ABCB5: variants seen among roughly 807,000 people sequenced by gnomAD.
The protein encoded by ABCB5 is ATP binding cassette subfamily B member 5, also known as ATP-binding cassette sub-family B member 5.
Under a neutral mutation model 144.2 loss-of-function variants are expected in ABCB5, and 155 were observed. That is an observed-to-expected ratio of 1.08 (90% CI 0.94 to 1.23). The LOEUF (loss-of-function observed/expected upper bound fraction) is 1.23. Among genes scored for constraint, ABCB5 ranks in the 50% most tolerant of loss-of-function variants. The pLI, the probability that ABCB5 is intolerant of heterozygous loss-of-function variation, is 0.00. For missense variants in ABCB5, 1,830 were observed against 1,520.8 expected (o/e 1.20, Z -3.38); for synonymous variants, 610 against 528.6 (o/e 1.15, Z -2.11).
At chr7:20,633,493 A>C (rs1784083677) in intron 5 of ABCB5, among the ~76,000 whole-genome samples, 1 of 152,176 alleles carries the variant, frequency 6.6e-6, no homozygotes, top group Non-Finnish European at 1.5e-5. Context: ...TATAATTGAC[A>C]CACAATAATT....
intron 2 of ABCB5, among the ~76,000 whole-genome samples, chr7:20,625,110 T>G (rs970472067): frequency 6.6e-6 from 1 of 152,312 alleles, no homozygotes; most frequent in East Asian, 1.9e-4. Flanking sequence ...AAAATCCGCA[T>G]CTAGAGGTGA....
intron 23 of ABCB5, among the ~76,000 whole-genome samples, chr7:20,737,618 T>C (rs1782430030): frequency 6.6e-6 from 1 of 152,210 alleles, no homozygotes; most frequent in African/African-American, 2.4e-5. Flanking sequence ...CAGAGAAGCC[T>C]CTACCCCTTT....
chr7:20,623,386 T>C (rs986553852), intron 2 of ABCB5, 48 bp downstream of exon 2: 3 of 1,416,078 alleles, frequency 2.1e-6, no homozygotes, highest in South Asian at 2.5e-5. Context: ...ACTTCAAATA[T>C]AACTCATCCT....
chr7:20,736,872 C>A (rs1211977094), intron 23 of ABCB5, among the ~76,000 whole-genome samples: 2 of 152,116 alleles, frequency 1.3e-5, no homozygotes, highest in African/African-American at 4.8e-5. Context: ...ACAGAATCCA[C>A]CTGGAGAAAA....
Position 20,629,145 on chromosome 7 carries a change from CGTGTGTGT to C in ABCB5, c.259+340_259+347del, listed in dbSNP as rs149986314. On this transcript the variant is annotated intron_variant, in intron 4 of 27. Transcript: ENST00000404938. ...TAGAAACAAAGAGAGAGAGAGACTG[CGTGTGTGT>C]GTGTGTGTGTGTGTGTGTGTGTGTG... 8.5e-3 allele frequency among the ~76,000 whole-genome samples: 1,149 copies of C among 135,156 alleles called. 18 individuals carry two copies. Among genetic ancestry groups the C allele is most frequent in the African/African-American group, 0.028 (1,005 of 35,760 alleles). The allele number at this position is 135,156 out of a possible 152,430, so 88.7% of individuals were successfully genotyped here.
rs1406657803 is a variant in ABCB5 at position 20,661,534 on chromosome 7, C to CTCTTTTTTTTTTTTT, written c.1707+2859_1707+2860insCTTTTTTTTTTTTTT. 6.8e-5 allele frequency among the ~76,000 whole-genome samples: 9 copies of CTCTTTTTTTTTTTTT among 132,436 alleles called. 1 individual carries two copies. The highest frequency in any genetic ancestry group is 2.3e-4 in the South Asian group (1 of 4,416). The allele number at this position is 132,436 out of a possible 152,430, so 86.9% of individuals were successfully genotyped here. The stretch of plus-strand genomic sequence containing the variant: ...TATTCTTTTTTGCTTTCTTTCTTTT[C>CTCTTTTTTTTTTTTT]TTTTTCTTTTTTTTTTTTTGAGACC... On this transcript the variant is annotated intron_variant, in intron 14 of 27. Coordinates refer to ENST00000404938, the MANE Select transcript of ABCB5 (RefSeq NM_001163941.2).
rs372222077 is a variant in ABCB5, at chr7:20,688,953, A to G, written c.2010+3117A>G. Among the ~76,000 whole-genome samples, 15 of 149,882 alleles carry G rather than the reference A, an allele frequency of 1.0e-4. No homozygotes were observed. In the East Asian group the frequency reaches 2.8e-3, roughly 28 times the overall value. ...GGACACAGGAAGGGGAACATCACAC[A>G]CCAGGGTCTGTGGTGGGGTGGGGAG... On this transcript the variant is annotated intron_variant, in intron 16 of 27. Transcript: ENST00000404938.
At chr7:20,699,299 T>TAA (rs4001002) in intron 17 of ABCB5, among the ~76,000 whole-genome samples, 133,138 of 152,094 alleles carry the variant, frequency 0.88, 58,342 homozygotes, top group African/African-American at 0.92. Context: ...TTACATAGTT[T>TAA]GAGAATTAAA....
At chr7:20,645,725 A>T in intron 7 of ABCB5, 31 bp from the exon 8 acceptor site, 1 of 1,611,998 alleles carries the variant, frequency 6.2e-7, no homozygotes, top group Non-Finnish European at 8.5e-7. Flanking sequence ...ACACAGAGTC[A>T]TTTTTTAACT....
chr7:20,622,583 T>C (rs1192708902), intron 1 of ABCB5, among the ~76,000 whole-genome samples: 1 of 152,098 alleles, frequency 6.6e-6, no homozygotes, highest in Admixed American at 6.6e-5. Context: ...TAATATGTTA[T>C]AGGGCCTAAC....
At chr7:20,696,824 T>G (rs913513679) in intron 16 of ABCB5, among the ~76,000 whole-genome samples, 1 of 152,134 alleles carries the variant, frequency 6.6e-6, no homozygotes, top group Non-Finnish European at 1.5e-5. Context: ...TTTTCTATCT[T>G]GACAACACTA....
chr7:20,629,465 A>G (rs1783985030), intron 4 of ABCB5, among the ~76,000 whole-genome samples: 1 of 152,138 alleles, frequency 6.6e-6, no homozygotes, highest in Non-Finnish European at 1.5e-5. Context: ...CACATCCTTT[A>G]AAAAGAAGAA....
intron 1 of ABCB5, among the ~76,000 whole-genome samples, chr7:20,618,405 T>A (rs1486207900): frequency 6.6e-6 from 1 of 152,224 alleles, no homozygotes; most frequent in Non-Finnish European, 1.5e-5. Flanking sequence ...ACCTTTTATA[T>A]AATTTCAACT....
At chr7:20,643,793 C>T (rs1784346548) in intron 7 of ABCB5, among the ~76,000 whole-genome samples, 161 bp downstream of exon 7, 1 of 152,204 alleles carries the variant, frequency 6.6e-6, no homozygotes, top group African/African-American at 2.4e-5. Flanking sequence ...CACCATTAAT[C>T]CCCTTTCTAT....
chr7:20,749,964 T>C (rs945813631), intron 26 of ABCB5, among the ~76,000 whole-genome samples: 2 of 152,208 alleles, frequency 1.3e-5, no homozygotes, highest in African/African-American at 2.4e-5. Flanking sequence ...TATAAAGCTA[T>C]GGTATTTGAT....
At chr7:20,641,850 A>G (rs1301646929) in intron 5 of ABCB5, 1 of 152,946 alleles carries the variant, frequency 6.5e-6, no homozygotes, top group Non-Finnish European at 1.5e-5. Context: ...GGAGGCAGGA[A>G]TGGAGCTTTT....
intron 14 of ABCB5, among the ~76,000 whole-genome samples, chr7:20,666,562 A>G (rs181075613): frequency 1.3e-5 from 2 of 152,310 alleles, no homozygotes; most frequent in East Asian, 1.9e-4. Context: ...AAAGTCCAAA[A>G]TAATGACCTG....
At chr7:20,739,674 T>C (rs1782499779) in intron 24 of ABCB5, among the ~76,000 whole-genome samples, 1 of 152,174 alleles carries the variant, frequency 6.6e-6, no homozygotes, top group African/African-American at 2.4e-5. Flanking sequence ...ACTGAGAAAC[T>C]AAAGTTTTGA....
Position 20,733,570 on chromosome 7 carries a change from G to A in ABCB5, c.2867+5115G>A, listed in dbSNP as rs138395304. On this transcript the variant is annotated intron_variant, in intron 23 of 27. Transcript: ENST00000404938. Reference sequence around the variant, plus strand: ...CCTTGGTATTTCCCAGTGCCCCAAGGGAAGGAAGAAATAGAGAGCTATCTG... The same window carrying A: ...CCTTGGTATTTCCCAGTGCCCCAAGAGAAGGAAGAAATAGAGAGCTATCTG... 4.5e-3 allele frequency among the ~76,000 whole-genome samples: 689 copies of A among 151,874 alleles called. 4 individuals are homozygous for A. The highest frequency in any genetic ancestry group is 0.021 in the Middle Eastern group (6 of 290).
Sources: allele counts gnomAD v4.1 joint callset (sites outside exome capture counted in the v4.1 genomes callset), GRCh38; gene constraint gnomAD v4.1.1; transcripts MANE v1.5; gene names NCBI Gene and HGNC (gene_info 2026-07-23, HGNC 2026-07-21).